NR3C2: variants seen among roughly 807,000 people sequenced by gnomAD.
NR3C2 encodes nuclear receptor subfamily 3 group C member 2, also known as mineralocorticoid receptor.
A neutral mutation model predicts 86.4 loss-of-function variants in NR3C2; 15 were observed. The ratio of observed to expected loss-of-function variants is 0.17; its 90% CI spans 0.12 to 0.27. NR3C2 has a LOEUF of 0.27. Ranked by LOEUF, NR3C2 falls within the 10% of genes least tolerant of loss-of-function variation. NR3C2 has a pLI of 1.00. For synonymous variants in NR3C2, 458 were observed against 450.5 expected (o/e 1.02, Z -0.21); for missense variants, 960 against 1,195.6 (o/e 0.80, Z 2.91).
At chr4:148,279,055 C>T (rs6833414) in intron 2 of NR3C2, among the ~76,000 whole-genome samples, 77,044 of 151,824 alleles carry the variant, frequency 0.51, 20,884 homozygotes, top group African/African-American at 0.71. Flanking sequence ...ACCAGCTACT[C>T]GGGAGGCTAA....
At chr4:148,115,044 G>C (rs969792372) in intron 7 of NR3C2, among the ~76,000 whole-genome samples, 1 of 152,142 alleles carries the variant, frequency 6.6e-6, no homozygotes, top group Non-Finnish European at 1.5e-5. Flanking sequence ...TGCGTGTGAG[G>C]GGGGAACAAC....
chr4:148,360,604 T>C (rs1745789079), intron 2 of NR3C2, among the ~76,000 whole-genome samples: 1 of 152,186 alleles, frequency 6.6e-6, no homozygotes, highest in Non-Finnish European at 1.5e-5. Context: ...ATCCGACATA[T>C]TAATATCATC....
chr4:148,205,381 G>A lies in NR3C2; in HGVS notation c.1898-10519C>T, dbSNP rs894719388. On this transcript the variant is annotated intron_variant, in intron 3 of 8. Transcript: ENST00000358102. ...GTACTATAGGACATCTGGTGAAAAG[G>A]CTCTCTCTCTCCCCCTCTCCTATCC... 1.3e-5 allele frequency among the ~76,000 whole-genome samples: 2 copies of A among 151,950 alleles called. 1 individual carries two copies. The highest frequency in any genetic ancestry group is 2.9e-5 in the Non-Finnish European group (2 of 67,988).
Position 148,244,552 on chromosome 4 carries a change from G to A in NR3C2, c.1897+15426C>T, listed in dbSNP as rs1739226260. 2.0e-5 allele frequency among the ~76,000 whole-genome samples: 3 copies of A among 152,204 alleles called. No homozygotes were observed. The South Asian group carries it at 6.2e-4, about 32-fold the overall frequency. On this transcript the variant is annotated intron_variant, in intron 3 of 8. Coordinates refer to ENST00000358102, the MANE Select transcript of NR3C2 (RefSeq NM_000901.5). Reference sequence around the variant, plus strand: ...CTAGTATGACCACATGCATAAATACGACTGTGCATAAGGAAAGGGAGATGA... The same window carrying A: ...CTAGTATGACCACATGCATAAATACAACTGTGCATAAGGAAAGGGAGATGA...
At chr4:148,400,928 A>G (rs1380354200) in intron 2 of NR3C2, among the ~76,000 whole-genome samples, 2 of 152,218 alleles carry the variant, frequency 1.3e-5, no homozygotes, top group Non-Finnish European at 2.9e-5. Context: ...TGCATACCCT[A>G]AATACATAGA....
chr4:148,263,298 A>C (rs751993971), intron 2 of NR3C2, among the ~76,000 whole-genome samples: 3 of 152,216 alleles, frequency 2.0e-5, no homozygotes, highest in Non-Finnish European at 4.4e-5. Context: ...GTTGTGAAAG[A>C]GTACTGCCAT....
At chr4:148,321,707 C>CT (rs886760318) in intron 2 of NR3C2, among the ~76,000 whole-genome samples, 8 of 152,006 alleles carry the variant, frequency 5.3e-5, no homozygotes, top group African/African-American at 1.9e-4. Context: ...CAACCCCTGC[C>CT]TTTTTTTGTT....
Position 148,435,869 on chromosome 4 carries a change from C to T in NR3C2, c.992G>A (p.Gly331Glu). 3 of 1,614,164 alleles carry T rather than the reference C, an allele frequency of 1.9e-6. No individual in the cohort carries two copies. The highest frequency in any genetic ancestry group is 2.5e-6 in the Non-Finnish European group (3 of 1,180,026). Residue 331 changes from glycine to glutamate, a missense_variant, in exon 2 of 9, where the codon GGA becomes GAA. By Grantham distance (98) the Gly-to-Glu change is moderately conservative. This residue lies in a region of NR3C2 where 680 missense variants were observed against 719.0 expected (regional missense o/e 0.95). Transcript: ENST00000358102. ...ATTGTTTACAGGGCTACAGATAGAT[C>T]CCACAGTACTGGCTGCCGGACTGGA... ...TLSSPAASTV[G>E]SICSPVNNAF...
chr4:148,236,823 C>T (rs1252132098), intron 3 of NR3C2, among the ~76,000 whole-genome samples: 7 of 152,152 alleles, frequency 4.6e-5, no homozygotes, highest in Non-Finnish European at 7.3e-5. Context: ...CCCAGGCTAA[C>T]TGGGACACAG....
intron 6 of NR3C2, among the ~76,000 whole-genome samples, chr4:148,120,678 G>A (rs1700713360): frequency 6.6e-6 from 1 of 152,192 alleles, no homozygotes; most frequent in Non-Finnish European, 1.5e-5. Context: ...CAGATATCCA[G>A]CACTTATAGG....
At chr4:148,392,523 C>T (rs1036993240) in intron 2 of NR3C2, among the ~76,000 whole-genome samples, 13 of 152,136 alleles carry the variant, frequency 8.5e-5, no homozygotes, top group South Asian at 2.1e-4. Flanking sequence ...CTTTCTTCCA[C>T]GGCACTTGCA....
In NR3C2 at chr4:148,083,267, G is replaced by A. The variant is rs58644480; in HGVS notation, c.2800-1768C>T. ...CTCCTGAAGTGGGTCCCTGATCCCT[G>A]TGCCTCCTGACAAAGAGACACCTCA... is the stretch of plus-strand genomic sequence containing the variant. On this transcript the variant is annotated intron_variant, in intron 8 of 8. Transcript: ENST00000358102. Among the ~76,000 whole-genome samples the A allele has an allele frequency of 5.8e-3, 880 of 152,276 alleles. 8 individuals are homozygous for A. Among genetic ancestry groups the A allele is most frequent in the African/African-American group, 0.02 (829 of 41,570 alleles).
chr4:148,250,172 C>T (rs1484332892), intron 3 of NR3C2, among the ~76,000 whole-genome samples: 1 of 151,910 alleles, frequency 6.6e-6, no homozygotes, highest in Non-Finnish European at 1.5e-5. Flanking sequence ...TCCTATCTAA[C>T]AAGTCAAGAA....
chr4:148,330,147 C>A (rs72656813), intron 2 of NR3C2, among the ~76,000 whole-genome samples: 2 of 152,294 alleles, frequency 1.3e-5, no homozygotes, highest in African/African-American at 4.8e-5. Context: ...AAAAAAATAA[C>A]AGGCCTTTTA....
chr4:148,387,040 A>G (rs560081015), intron 2 of NR3C2, among the ~76,000 whole-genome samples: 1 of 152,186 alleles, frequency 6.6e-6, no homozygotes, highest in Non-Finnish European at 1.5e-5. Flanking sequence ...TAAATATCTC[A>G]ACCTCACTGC....
At chr4:148,222,790 T>G (rs570976274) in intron 3 of NR3C2, among the ~76,000 whole-genome samples, 68 of 152,208 alleles carry the variant, frequency 4.5e-4, no homozygotes, top group Non-Finnish European at 7.3e-4. Context: ...TTACTGAAAT[T>G]CAATTAAACA....
intron 2 of NR3C2, among the ~76,000 whole-genome samples, chr4:148,336,191 G>A (rs1273445682): frequency 6.6e-6 from 1 of 152,156 alleles, no homozygotes; most frequent in Non-Finnish European, 1.5e-5. Context: ...CGGGTGGCAA[G>A]GGAAGCATGC....
intron 3 of NR3C2, among the ~76,000 whole-genome samples, chr4:148,244,736 TTTTAA>T (rs1452282582): frequency 6.6e-6 from 1 of 152,202 alleles, no homozygotes; most frequent in Non-Finnish European, 1.5e-5. Flanking sequence ...CTTCTCTTTC[TTTTAA>T]AAGTTTTTAA....
chr4:148,429,571 T>C (rs1193676655), intron 2 of NR3C2, among the ~76,000 whole-genome samples: 1 of 152,234 alleles, frequency 6.6e-6, no homozygotes, highest in African/African-American at 2.4e-5. Flanking sequence ...CAGAAGTTTC[T>C]AGAGCATAAA....
Sources: gnomAD v4.1 joint callset for allele counts (sites outside exome capture counted in the v4.1 genomes callset) on GRCh38, gnomAD v4.1.1 for gene constraint, gnomAD v4.1.1 regional missense constraint, MANE v1.5 for transcripts, NCBI Gene and HGNC (gene_info 2026-07-23, HGNC 2026-07-21) for gene names.